Variants in DLGAP2 observed in about 807,000 individuals in gnomAD.
DLGAP2 encodes the protein DLG associated protein 2.
DLGAP2 carries 26 observed loss-of-function variants against 100.3 expected under a neutral mutation model. The observed-to-expected ratio is 0.26, with a 90% CI of 0.19 to 0.36. The LOEUF is 0.36. Among genes scored for constraint, DLGAP2 ranks in the 10% least tolerant of loss-of-function variants. The pLI is 1.00. For synonymous variants in DLGAP2, 886 were observed against 630.1 expected, an observed-to-expected ratio of 1.41 and a Z score of -6.08; for missense variants, 1,858 against 1,453.2, an observed-to-expected ratio of 1.28 and a Z score of -4.53.
chr8:1,182,174 G>A (rs17815711), intron 2 of DLGAP2, among the ~76,000 whole-genome samples: 11 of 152,218 alleles, frequency 7.2e-5, no homozygotes, highest in African/African-American at 2.7e-4. Flanking sequence ...TCGTTTGCAC[G>A]GGGCATCTCA....
At chr8:773,495 C>T (rs1479794721) in intron 1 of DLGAP2, among the ~76,000 whole-genome samples, 1 of 136,784 alleles carries the variant, frequency 7.3e-6, no homozygotes, top group Non-Finnish European at 1.6e-5. Context: ...TATCCCTCCC[C>T]CCTCCCCCCA....
intron 2 of DLGAP2, among the ~76,000 whole-genome samples, chr8:996,926 A>C (rs1233229648): frequency 6.6e-6 from 1 of 152,232 alleles, no homozygotes. Flanking sequence ...CACCATTTTT[A>C]GAATTTCGCT....
At chr8:790,004 T>C (rs1030985700) in intron 1 of DLGAP2, among the ~76,000 whole-genome samples, 1 of 152,192 alleles carries the variant, frequency 6.6e-6, no homozygotes, top group Non-Finnish European at 1.5e-5. Context: ...AGGATGGCAG[T>C]GGTAATTCAG....
chr8:1,129,884 C>G (rs1278933159), intron 2 of DLGAP2, among the ~76,000 whole-genome samples: 1 of 152,174 alleles, frequency 6.6e-6, no homozygotes, highest in East Asian at 1.9e-4. Context: ...ATTTGTAAAG[C>G]CTGGATTCAT....
At chr8:1,578,934 A>C (rs558572792) in intron 6 of DLGAP2, among the ~76,000 whole-genome samples, 2 of 152,178 alleles carry the variant, frequency 1.3e-5, no homozygotes, top group African/African-American at 2.4e-5. Context: ...ACTTAGAATT[A>C]TTATCAACTA....
intron 10 of DLGAP2, among the ~76,000 whole-genome samples, chr8:1,673,430 G>A (rs1798738148): frequency 6.6e-6 from 1 of 152,268 alleles, no homozygotes; most frequent in African/African-American, 2.4e-5. Context: ...AGCTCCTCCT[G>A]GCCAAGTATG....
chr8:998,104 T>C (rs1297215957), intron 2 of DLGAP2, among the ~76,000 whole-genome samples: 2 of 151,954 alleles, frequency 1.3e-5, no homozygotes, highest in Admixed American at 6.6e-5. Context: ...CACAGAAACA[T>C]ACACACGTGT....
At chr8:1,542,009 T>C (rs1327645811) in intron 4 of DLGAP2, among the ~76,000 whole-genome samples, 2 of 152,348 alleles carry the variant, frequency 1.3e-5, no homozygotes, top group South Asian at 4.1e-4. Context: ...CTGAGCCATA[T>C]AGTGATCAGA....
chr8:780,699 C>T (rs572691046), intron 1 of DLGAP2, among the ~76,000 whole-genome samples: 12 of 152,360 alleles, frequency 7.9e-5, no homozygotes, highest in African/African-American at 2.9e-4. Context: ...GGGCAGGAGG[C>T]TCTTGTGGCA....
At chr8:1,526,453 C>A (rs1430914936) in intron 4 of DLGAP2, among the ~76,000 whole-genome samples, 1 of 152,058 alleles carries the variant, frequency 6.6e-6, no homozygotes, top group East Asian at 1.9e-4. Flanking sequence ...AACTTAGACT[C>A]CGGAGCCCAG....
intron 14 of DLGAP2, among the ~76,000 whole-genome samples, chr8:1,699,097 G>A (rs1380518360): frequency 6.6e-6 from 1 of 152,234 alleles, no homozygotes; most frequent in Non-Finnish European, 1.5e-5. Context: ...CTGTTCAAAC[G>A]GAACGTACTG....
intron 2 of DLGAP2, among the ~76,000 whole-genome samples, chr8:1,176,022 C>G (rs945082753): frequency 6.6e-6 from 1 of 152,172 alleles, no homozygotes; most frequent in African/African-American, 2.4e-5. Context: ...ACTGGTCCAT[C>G]TTCCCAGATG....
intron 2 of DLGAP2, among the ~76,000 whole-genome samples, chr8:933,168 G>T (rs997763526): frequency 2.6e-5 from 4 of 152,252 alleles, no homozygotes; most frequent in Admixed American, 6.5e-5. Context: ...CTTATGGGTG[G>T]TCGGGTTGTG....
intron 2 of DLGAP2, among the ~76,000 whole-genome samples, chr8:949,549 G>C (rs537947240): frequency 2.0e-5 from 3 of 152,284 alleles, no homozygotes; most frequent in African/African-American, 7.2e-5. Flanking sequence ...AGTGCCTGCC[G>C]GGGCAGGACC....
At chr8:1,129,989 T>C (rs1342668894) in intron 2 of DLGAP2, among the ~76,000 whole-genome samples, 1 of 152,224 alleles carries the variant, frequency 6.6e-6, no homozygotes, top group Non-Finnish European at 1.5e-5. Context: ...GTTCTAATTC[T>C]AATCATGGTC....
chr8:1,413,525 A>G (rs10108806), intron 3 of DLGAP2, among the ~76,000 whole-genome samples: 88 of 152,328 alleles, frequency 5.8e-4, no homozygotes, highest in African/African-American at 1.9e-3. Flanking sequence ...TCTGGCAAGT[A>G]TAGAGTTATA....
chr8:1,271,431 C>T (rs556809254), intron 3 of DLGAP2, among the ~76,000 whole-genome samples: 1 of 152,138 alleles, frequency 6.6e-6, no homozygotes, highest in Non-Finnish European at 1.5e-5. Flanking sequence ...CTTTATGAAC[C>T]TCCTTGTGCA....
chr8:1,183,466 C>T (rs1313712886), intron 2 of DLGAP2, among the ~76,000 whole-genome samples: 2 of 152,188 alleles, frequency 1.3e-5, no homozygotes, highest in Admixed American at 6.5e-5. Context: ...TGCTAAGAGT[C>T]ATTGCAAATG....
At chr8:1,538,863 T>A (rs1315232920) in intron 4 of DLGAP2, among the ~76,000 whole-genome samples, 1 of 149,284 alleles carries the variant, frequency 6.7e-6, no homozygotes, top group Non-Finnish European at 1.5e-5. Flanking sequence ...CAGCCCCTCG[T>A]GTCATGACAG....
Sources: allele counts gnomAD v4.1 joint callset (sites outside exome capture counted in the v4.1 genomes callset), GRCh38; gene constraint gnomAD v4.1.1; transcripts MANE v1.5; gene names NCBI Gene and HGNC (gene_info 2026-07-23, HGNC 2026-07-21).